PRKCB: variants seen among roughly 807,000 people sequenced by gnomAD.
PRKCB encodes the protein protein kinase C beta.
A neutral mutation model predicts 81.5 loss-of-function variants in PRKCB; 13 were observed. The observed-to-expected ratio is 0.16, with a 90% CI of 0.10 to 0.25. The LOEUF is 0.25. PRKCB is among the 10% of genes least tolerant of loss of function. PRKCB has a pLI of 1.00. For missense variants in PRKCB, 509 were observed against 875.7 expected (o/e 0.58, Z 5.29); for synonymous variants, 335 against 321.4 (o/e 1.04, Z -0.45).
At chr16:23,953,851 C>T (rs1964313748) in intron 2 of PRKCB, among the ~76,000 whole-genome samples, 1 of 150,852 alleles carries the variant, frequency 6.6e-6, no homozygotes, top group African/African-American at 2.4e-5. Context: ...GGCAGTCAGA[C>T]ATCAACTATG....
chr16:24,059,187 A>T (rs980975671), intron 5 of PRKCB, among the ~76,000 whole-genome samples: 1 of 152,168 alleles, frequency 6.6e-6, no homozygotes, highest in African/African-American at 2.4e-5. Flanking sequence ...CCGATTGGAA[A>T]AACAGAGCCA....
At chr16:24,004,218 G>A (rs1965082551) in intron 3 of PRKCB, among the ~76,000 whole-genome samples, 1 of 152,084 alleles carries the variant, frequency 6.6e-6, no homozygotes, top group South Asian at 2.1e-4. Flanking sequence ...CTACTGAAAG[G>A]CAAAGACTAT....
chr16:23,871,980 T>A (rs1962913285), intron 2 of PRKCB, among the ~76,000 whole-genome samples: 1 of 152,156 alleles, frequency 6.6e-6, no homozygotes, highest in African/African-American at 2.4e-5. Flanking sequence ...TGTCTTGTTC[T>A]CTGTTACTTC....
intron 2 of PRKCB, among the ~76,000 whole-genome samples, chr16:23,973,939 G>A (rs556912754): frequency 2.6e-5 from 4 of 152,272 alleles, no homozygotes; most frequent in Admixed American, 1.3e-4. Flanking sequence ...CCAAAGTGCT[G>A]GGATTACAGG....
At chr16:23,877,217 A>G (rs1597223159) in intron 2 of PRKCB, among the ~76,000 whole-genome samples, 1 of 151,794 alleles carries the variant, frequency 6.6e-6, no homozygotes, top group Non-Finnish European at 1.5e-5. Flanking sequence ...CAGTGCCTGT[A>G]GTCCCAGCTA....
intron 2 of PRKCB, among the ~76,000 whole-genome samples, chr16:23,864,777 T>G (rs1962743621): frequency 6.6e-6 from 1 of 152,084 alleles, no homozygotes; most frequent in South Asian, 2.1e-4. Context: ...ATGTGCAGTT[T>G]CGTTACGTGG....
rs181214444 is a variant in PRKCB at position 23,873,469 on chromosome 16, A to G, written c.205+36063A>G. Among the ~76,000 whole-genome samples the G allele has an allele frequency of 7.9e-5, 12 of 152,146 alleles. No individual in the cohort carries two copies. The East Asian group carries it at 1.7e-3, about 22-fold the overall frequency. ...TTCAGCTTCTCTTTGTTTTTGGACC[A>G]TGGGTTTTCTGGTTCTTCTTTGGTT... On this transcript the variant is annotated intron_variant, in intron 2 of 16. Coordinates refer to ENST00000643927, the MANE Select transcript of PRKCB (RefSeq NM_002738.7).
chr16:24,055,114 C>T (rs1965888892), intron 5 of PRKCB, among the ~76,000 whole-genome samples: 1 of 152,262 alleles, frequency 6.6e-6, no homozygotes, highest in South Asian at 2.1e-4. Context: ...CTCTTGGGCA[C>T]AGGCCAGGAG....
At chr16:24,169,949 G>A (rs999040142) in intron 10 of PRKCB, among the ~76,000 whole-genome samples, 11 of 151,890 alleles carry the variant, frequency 7.2e-5, no homozygotes, top group Non-Finnish European at 1.0e-4. Flanking sequence ...GCTAATTTTT[G>A]TATTTATATT....
At chr16:24,125,055 CT>C (rs555255487) in intron 9 of PRKCB, among the ~76,000 whole-genome samples, 2 of 149,440 alleles carry the variant, frequency 1.3e-5, no homozygotes, top group Non-Finnish European at 3.0e-5. Context: ...CAATCCCAAT[CT>C]TTTTTACCTA....
intron 2 of PRKCB, among the ~76,000 whole-genome samples, chr16:23,864,693 G>T (rs1223940073): frequency 6.6e-6 from 1 of 152,036 alleles, no homozygotes; most frequent in East Asian, 1.9e-4. Flanking sequence ...GTGGAGGCTG[G>T]GTGCTTCTCA....
intron 2 of PRKCB, among the ~76,000 whole-genome samples, chr16:23,880,311 C>T (rs777420374): frequency 6.6e-6 from 1 of 152,078 alleles, no homozygotes; most frequent in Non-Finnish European, 1.5e-5. Context: ...CTTTGAGAAT[C>T]CCCCCACCAC....
At chr16:23,875,480 G>GATATATATATATATAT (rs71381624) in intron 2 of PRKCB, among the ~76,000 whole-genome samples, 195 of 4,556 alleles carry the variant, frequency 0.043, 3 homozygotes, top group East Asian at 0.17. Flanking sequence ...CAACTAAAAA[G>GATATATATATATATAT]ATATATATAT....
At position 24,123,694 on chromosome 16, in the gene PRKCB, T is replaced by C. The variant is rs903221532; in HGVS notation, c.919-141T>C. The C allele has an allele frequency of 3.9e-6, 3 of 778,484 alleles. No homozygotes were observed. The East Asian group carries it at 8.1e-5, about 21-fold the overall frequency. 48.2% of individuals were successfully genotyped at this position (778,484 alleles called of 1,614,324 possible). On this transcript the variant is annotated intron_variant, in intron 8 of 16. Coordinates refer to ENST00000643927, the MANE Select transcript of PRKCB (RefSeq NM_002738.7). ...GGATGTCCGACAGGTTTCAGGCTTG[T>C]GGAGTGATGCATGGCTATGCTTTTC...
intron 8 of PRKCB, among the ~76,000 whole-genome samples, chr16:24,116,149 T>C (rs1285267020): frequency 6.6e-6 from 1 of 152,160 alleles, no homozygotes. Flanking sequence ...AAGGCAGCCA[T>C]TAGTGAGTGT....
At chr16:24,043,783 T>C (rs1390591085) in intron 5 of PRKCB, among the ~76,000 whole-genome samples, 1 of 152,162 alleles carries the variant, frequency 6.6e-6, no homozygotes, top group African/African-American at 2.4e-5. Context: ...GTCTAGGGAA[T>C]TGCATTGAAG....
rs1382106013 is a variant in PRKCB at position 24,006,305 on chromosome 16, C to G, written c.288+17715C>G. ...ACACTGTCATCAAATGTCCAAAGAG[C>G]TCTTGTACAGAATTTTTGTGGTGCA... On this transcript the variant is annotated intron_variant, in intron 3 of 16. Coordinates refer to ENST00000643927, the MANE Select transcript of PRKCB (RefSeq NM_002738.7). Among the ~76,000 whole-genome samples the G allele has an allele frequency of 2.0e-5, 3 of 152,328 alleles. No homozygotes were observed. The East Asian group carries it at 5.8e-4, about 29-fold the overall frequency.
rs35609342 is a variant in PRKCB, at chr16:24,075,117, C to CAAA, written c.530-17658_530-17656dup. Among the ~76,000 whole-genome samples, 152 of 109,496 alleles carry CAAA rather than the reference C, an allele frequency of 1.4e-3. 1 individual carries two copies. The highest frequency in any genetic ancestry group is 4.8e-3 in the African/African-American group (148 of 30,592). The allele number at this position is 109,496 out of a possible 152,430, so 71.8% of individuals were successfully genotyped here. ...TGGGTGACAGAACAAGACCCTATCT[C>CAAA]AAAAAAAAAAAAAAAAAATTTAATT... On this transcript the variant is annotated intron_variant, in intron 5 of 16. Coordinates refer to ENST00000643927, the MANE Select transcript of PRKCB (RefSeq NM_002738.7).
chr16:24,185,846 T>C (rs1019835022), intron 15 of PRKCB, among the ~76,000 whole-genome samples: 1 of 152,180 alleles, frequency 6.6e-6, no homozygotes, highest in African/African-American at 2.4e-5. Flanking sequence ...GCTTATTGAA[T>C]GAATGAGGTA....
Sources: allele counts gnomAD v4.1 joint callset (sites outside exome capture counted in the v4.1 genomes callset), GRCh38; gene constraint gnomAD v4.1.1; transcripts MANE v1.5; gene names NCBI Gene and HGNC (gene_info 2026-07-23, HGNC 2026-07-21).